UNC5D: variants seen among roughly 807,000 people sequenced by gnomAD.
The protein encoded by UNC5D is netrin receptor UNC5D.
Under a neutral mutation model 105.4 loss-of-function variants are expected in UNC5D, and 39 were observed. That is an observed-to-expected ratio of 0.37 (90% CI 0.29 to 0.48). UNC5D has a LOEUF of 0.48. Ranked by LOEUF, UNC5D falls within the 20% of genes least tolerant of loss-of-function variation. UNC5D has a pLI of 0.98. For missense variants in UNC5D, 991 were observed against 1,202.4 expected (o/e 0.82, Z 2.60); for synonymous variants, 452 against 450.4 (o/e 1.00, Z -0.04).
intron 3 of UNC5D, among the ~76,000 whole-genome samples, chr8:35,568,585 A>C (rs553331890): frequency 1.1e-4 from 16 of 152,302 alleles, no homozygotes; most frequent in South Asian, 8.3e-4. Context: ...GCTACTTGAG[A>C]GGCTGAGGCA....
chr8:35,752,915 G>T (rs1031237318), intron 13 of UNC5D, among the ~76,000 whole-genome samples: 1 of 152,142 alleles, frequency 6.6e-6, no homozygotes, highest in Non-Finnish European at 1.5e-5. Flanking sequence ...TACTGTGACT[G>T]TGTGGAGCTG....
intron 4 of UNC5D, among the ~76,000 whole-genome samples, chr8:35,618,840 G>C (rs1283643937): frequency 6.6e-6 from 1 of 152,170 alleles, no homozygotes; most frequent in Admixed American, 6.5e-5. Context: ...AAGTTGCTGA[G>C]TAAGGAAATA....
intron 1 of UNC5D, among the ~76,000 whole-genome samples, chr8:35,285,338 A>G (rs968389729): frequency 6.6e-6 from 1 of 152,204 alleles, no homozygotes; most frequent in African/African-American, 2.4e-5. Context: ...TATGCCATTC[A>G]TGCTAGGACA....
intron 1 of UNC5D, among the ~76,000 whole-genome samples, chr8:35,523,236 C>G (rs1050485823): frequency 6.6e-6 from 1 of 151,974 alleles, no homozygotes; most frequent in Admixed American, 6.6e-5. Flanking sequence ...GCACACACCA[C>G]CACGTCTAGC....
rs149131259 is a variant in UNC5D, at chr8:35,259,531, C to T, written c.103+23644C>T. Among the ~76,000 whole-genome samples the T allele has an allele frequency of 1.6e-3, 247 of 152,282 alleles. 2 individuals carry two copies. The highest frequency in any genetic ancestry group is 3.7e-3 in the Admixed American group (57 of 15,288). On this transcript the variant is annotated intron_variant, in intron 1 of 16. Transcript: ENST00000404895. ...GTGCTATATATTATTACTCTAGATG[C>T]AGTAACTACTCCCCATCACGTTGGT...
At chr8:35,780,524 CA>C (rs1802455988) in intron 16 of UNC5D, among the ~76,000 whole-genome samples, 1 of 152,156 alleles carries the variant, frequency 6.6e-6, no homozygotes, top group Admixed American at 6.5e-5. Context: ...GTTGCGAAAT[CA>C]CTTGAGGTAG....
rs185177247 is a variant in UNC5D, at chr8:35,502,701, G to T, written c.104-46591G>T. On this transcript the variant is annotated intron_variant, in intron 1 of 16. Coordinates refer to ENST00000404895, the MANE Select transcript of UNC5D (RefSeq NM_080872.4). ...CGCCTCCTGAGTAGCTGGGACTACA[G>T]GTGCACACCACCATGCCCGGCTAAT... is the stretch of plus-strand genomic sequence containing the variant. 1.6e-4 allele frequency among the ~76,000 whole-genome samples: 25 copies of T among 151,936 alleles called. No homozygotes were observed. In the East Asian group the frequency reaches 3.5e-3, roughly 21 times the overall value.
chr8:35,321,375 G>A (rs1247949663), intron 1 of UNC5D, among the ~76,000 whole-genome samples: 2 of 152,134 alleles, frequency 1.3e-5, no homozygotes, highest in Non-Finnish European at 2.9e-5. Flanking sequence ...GAATCATGGA[G>A]GCTGGTTTCC....
intron 1 of UNC5D, among the ~76,000 whole-genome samples, chr8:35,256,983 GT>G (rs549269689): frequency 2.3e-5 from 3 of 128,534 alleles, no homozygotes; most frequent in South Asian, 2.4e-4. Context: ...TTTGTTTTTT[GT>G]TTTTTTTTGA....
chr8:35,748,443 C>A, intron 11 of UNC5D, 84 bp from the exon 12 acceptor site: 1 of 1,420,304 alleles, frequency 7.0e-7, no homozygotes, highest in Non-Finnish European at 9.5e-7. Context: ...CTGAAGAAAA[C>A]CCCAGTCTGT....
intron 1 of UNC5D, among the ~76,000 whole-genome samples, chr8:35,438,298 G>A (rs867030432): frequency 7.9e-5 from 12 of 151,990 alleles, no homozygotes; most frequent in African/African-American, 2.7e-4. Flanking sequence ...TGTATAATGC[G>A]AATAAGGTTA....
intron 4 of UNC5D, among the ~76,000 whole-genome samples, chr8:35,645,365 G>T (rs1297106433): frequency 6.6e-6 from 1 of 152,144 alleles, no homozygotes; most frequent in Non-Finnish European, 1.5e-5. Context: ...CGTGCATTGT[G>T]TTCTATTAGA....
At chr8:35,647,300 G>A (rs1823112318) in intron 4 of UNC5D, among the ~76,000 whole-genome samples, 1 of 151,982 alleles carries the variant, frequency 6.6e-6, no homozygotes, top group East Asian at 1.9e-4. Context: ...CAAACCAGCA[G>A]TGGAAAACAA....
chr8:35,774,480 A>G lies in UNC5D; in HGVS notation c.2657+3A>G. 1.2e-6 allele frequency: 2 copies of G among 1,613,838 alleles called. No individual in the cohort carries two copies. The highest frequency in any genetic ancestry group is 1.7e-6 in the Non-Finnish European group (2 of 1,179,854). On this transcript the variant is annotated splice_donor_region_variant and intron_variant, in intron 16 of 16. Coordinates refer to ENST00000404895, the MANE Select transcript of UNC5D (RefSeq NM_080872.4). ...GCACAGAAAAACAGCATCAACAGGTAATTGGGGACAGCTTCTGGAAGACGA... is the reference window on the plus strand; with the variant it reads ...GCACAGAAAAACAGCATCAACAGGTGATTGGGGACAGCTTCTGGAAGACGA...
chr8:35,251,386 A>G (rs1349077385), intron 1 of UNC5D, among the ~76,000 whole-genome samples: 2 of 152,114 alleles, frequency 1.3e-5, no homozygotes, highest in Non-Finnish European at 2.9e-5. Context: ...CACCCCCATG[A>G]TTCAATTATC....
At chr8:35,333,786 TG>T (rs1171467967) in intron 1 of UNC5D, among the ~76,000 whole-genome samples, 1 of 152,228 alleles carries the variant, frequency 6.6e-6, no homozygotes, top group Non-Finnish European at 1.5e-5. Flanking sequence ...GGCCAGTGTT[TG>T]TTTTAATCAT....
In UNC5D at chr8:35,617,228, G is replaced by A. The variant is rs117657872; in HGVS notation, c.570+21571G>A. 5.2e-4 allele frequency among the ~76,000 whole-genome samples: 79 copies of A among 152,268 alleles called. No individual in the cohort carries two copies. The East Asian group carries it at 0.014, about 28-fold the overall frequency. On this transcript the variant is annotated intron_variant, in intron 4 of 16. Transcript: ENST00000404895. ...GTGATCCCCACATCCTAATTGCTCT[G>A]TGTATCATCTGTTTAGGAAGAAATG...
At chr8:35,621,205 A>G (rs1821341600) in intron 4 of UNC5D, among the ~76,000 whole-genome samples, 2 of 152,146 alleles carry the variant, frequency 1.3e-5, no homozygotes, top group African/African-American at 4.8e-5. Context: ...AGCACCTCAT[A>G]CATTGGCTGT....
intron 4 of UNC5D, among the ~76,000 whole-genome samples, chr8:35,597,774 T>G (rs1415530263): frequency 2.0e-5 from 3 of 152,200 alleles, no homozygotes; most frequent in African/African-American, 7.2e-5. Flanking sequence ...GCAGGAAAAC[T>G]GATGCTTGTA....
Sources: gnomAD v4.1 joint callset for allele counts (sites outside exome capture counted in the v4.1 genomes callset) on GRCh38, gnomAD v4.1.1 for gene constraint, MANE v1.5 for transcripts, NCBI Gene and HGNC (gene_info 2026-07-23, HGNC 2026-07-21) for gene names.